AGBL3: variants seen among roughly 807,000 people sequenced by gnomAD.
AGBL3 encodes cytosolic carboxypeptidase 3.
Under a neutral mutation model 94.5 loss-of-function variants are expected in AGBL3, and 68 were observed. The ratio of observed to expected loss-of-function variants is 0.72; its 90% CI spans 0.59 to 0.88. AGBL3 has a LOEUF of 0.88. Among genes scored for constraint, AGBL3 ranks in the 40% least tolerant of loss-of-function variants. The pLI is 0.00. For missense variants in AGBL3, 934 were observed against 1,103.8 expected (o/e 0.85, Z 2.18); for synonymous variants, 354 against 370.7 (o/e 0.95, Z 0.52).
At position 135,078,490 on chromosome 7, in the gene AGBL3, G is replaced by A. The variant is rs1421268753; in HGVS notation, c.1981-1713G>A. Among the ~76,000 whole-genome samples the A allele has an allele frequency of 5.5e-5, 7 of 126,390 alleles. No homozygotes were observed. In the East Asian group the frequency reaches 1.4e-3, roughly 25 times the overall value. The allele number at this position is 126,390 out of a possible 152,430, so 82.9% of individuals were successfully genotyped here. A position where few individuals can be genotyped will look rare whatever the true frequency, so the allele number is the denominator to read the frequency against. On this transcript the variant is annotated intron_variant, in intron 13 of 16. Transcript: ENST00000436302. ...TTTGCAGGACCCAATAACCAAAATA[G>A]GTTTTTGTTAGGGGATTTTTTTTTA...
intron 15 of AGBL3, among the ~76,000 whole-genome samples, chr7:135,110,817 C>G (rs565663144): frequency 6.6e-6 from 1 of 152,304 alleles, no homozygotes; most frequent in East Asian, 1.9e-4. Context: ...CCTTAAAACT[C>G]GTTTTGCCTC....
rs371774667 is a variant in AGBL3, at chr7:134,993,505, G to A, written c.137G>A (p.Gly46Asp). The A allele has an allele frequency of 1.5e-5, 23 of 1,545,776 alleles. No individual in the cohort carries two copies. The highest frequency in any genetic ancestry group is 1.9e-5 in the Non-Finnish European group (22 of 1,144,704). The change falls in exon 4 of 17, where the codon GGT becomes GAT. Residue 46 changes from glycine to aspartate, a missense_variant. Gly to Asp is a moderately conservative substitution (Grantham distance 94). Around this residue, in one of 3 missense-constraint regions of AGBL3, gnomAD observed 488 missense variants for 563.6 expected, o/e 0.87. Coordinates refer to ENST00000436302, the MANE Select transcript of AGBL3 (RefSeq NM_178563.4). ...ATCTTTTTCTCAGCTGACTCTTTTG[G>A]TGATCCCTTCTTCCCCCGGACTACA... ...RCALLTADSF[G>D]DPFFPRTTQI...
At chr7:135,020,199 C>G (rs555096458) in intron 5 of AGBL3, among the ~76,000 whole-genome samples, 1 of 119,500 alleles carries the variant, frequency 8.4e-6, no homozygotes, top group Admixed American at 9.7e-5. Context: ...CTACAAAGAA[C>G]TCAAACAAAT....
chr7:134,993,765 A>C (rs962553813), intron 4 of AGBL3, 87 bp downstream of exon 4: 1 of 1,131,966 alleles, frequency 8.8e-7, no homozygotes, highest in Non-Finnish European at 1.2e-6. Context: ...ACAATGTTAG[A>C]AAACAGCACA....
At chr7:135,058,766 T>C (rs1050334637) in intron 11 of AGBL3, among the ~76,000 whole-genome samples, 87 of 151,976 alleles carry the variant, frequency 5.7e-4, no homozygotes, top group African/African-American at 1.4e-3. Context: ...TCTTCTTTTT[T>C]CCCCCCCAAG....
chr7:135,000,447 C>T (rs4467884), intron 4 of AGBL3, among the ~76,000 whole-genome samples: 66,462 of 151,842 alleles, frequency 0.44, 15,231 homozygotes, highest in East Asian at 0.77. Context: ...GAGCTCTCTT[C>T]TTGAACTGGG....
intron 15 of AGBL3, among the ~76,000 whole-genome samples, chr7:135,089,969 CTG>C (rs1407639507): frequency 6.6e-6 from 1 of 152,184 alleles, no homozygotes; most frequent in African/African-American, 2.4e-5. Flanking sequence ...GAGCCAGGAT[CTG>C]TGAATCTGAG....
intron 5 of AGBL3, among the ~76,000 whole-genome samples, chr7:135,017,464 G>C (rs1244776201): frequency 6.6e-6 from 1 of 152,148 alleles, no homozygotes; most frequent in African/African-American, 2.4e-5. Flanking sequence ...GAAATGCTTT[G>C]CAATTATTGT....
At chr7:135,117,002 CT>C (rs1272161741) in intron 16 of AGBL3, among the ~76,000 whole-genome samples, 1 of 152,158 alleles carries the variant, frequency 6.6e-6, no homozygotes, top group Non-Finnish European at 1.5e-5. Context: ...TTCCTTTGTT[CT>C]TGAAGTCCTT....
chr7:135,094,237 C>T (rs1392421466), intron 15 of AGBL3: 3 of 379,522 alleles, frequency 7.9e-6, no homozygotes, highest in Admixed American at 3.3e-5. Flanking sequence ...CATTCCTGTC[C>T]TTACAACAAC....
chr7:135,037,332 G>T, intron 7 of AGBL3, 86 bp from the exon 8 acceptor site: 1 of 1,114,534 alleles, frequency 9.0e-7, no homozygotes, highest in Non-Finnish European at 1.2e-6. Flanking sequence ...GTATTTATTT[G>T]GATATTACAC....
At chr7:135,128,624 C>T (rs540957592) in intron 16 of AGBL3, 85 of 801,052 alleles carry the variant, frequency 1.1e-4, no homozygotes, top group Non-Finnish European at 1.6e-4. Flanking sequence ...ACCCTGGCAG[C>T]GTGATCCCGT....
intron 15 of AGBL3, among the ~76,000 whole-genome samples, chr7:135,101,571 C>T (rs1823833157): frequency 6.6e-6 from 1 of 152,112 alleles, no homozygotes; most frequent in South Asian, 2.1e-4. Flanking sequence ...CCACCACCCG[C>T]CAAGAAAATA....
chr7:135,058,851 G>T (rs541717562), intron 11 of AGBL3, among the ~76,000 whole-genome samples: 6 of 152,108 alleles, frequency 3.9e-5, no homozygotes, highest in African/African-American at 1.2e-4. Context: ...CCGCCTCCTG[G>T]GCCCAGGAGA....
At chr7:135,094,288 C>T in intron 15 of AGBL3, 1 of 430,410 alleles carries the variant, frequency 2.3e-6, no homozygotes, top group Non-Finnish European at 4.7e-6. Context: ...CTTATTGGAT[C>T]CATCAGAGAA....
intron 16 of AGBL3, among the ~76,000 whole-genome samples, chr7:135,117,675 A>C (rs1407515059): frequency 1.3e-5 from 2 of 152,238 alleles, no homozygotes; most frequent in Non-Finnish European, 2.9e-5. Flanking sequence ...ACAATGTTTA[A>C]GTTTGCAGTG....
intron 2 of AGBL3, 48 bp from the exon 3 acceptor site, chr7:134,989,202 A>G (rs970394824): frequency 2.8e-6 from 4 of 1,409,598 alleles, no homozygotes; most frequent in African/African-American, 1.4e-5. Context: ...TCTGGATTTG[A>G]AAACTGTTGG....
chr7:135,121,482 T>G (rs1585235408), intron 16 of AGBL3, among the ~76,000 whole-genome samples: 1 of 151,314 alleles, frequency 6.6e-6, no homozygotes, highest in East Asian at 1.9e-4. Context: ...TTAAAAGAAT[T>G]TAAATCATAG....
At chr7:135,022,018 T>G (rs547386066) in intron 5 of AGBL3, among the ~76,000 whole-genome samples, 1 of 152,198 alleles carries the variant, frequency 6.6e-6, no homozygotes, top group African/African-American at 2.4e-5. Flanking sequence ...TGTGGCTGCA[T>G]AGTAGTCCAT....
Sources: allele counts gnomAD v4.1 joint callset (sites outside exome capture counted in the v4.1 genomes callset), GRCh38; gene constraint gnomAD v4.1.1; regional missense constraint gnomAD v4.1.1; transcripts MANE v1.5; gene names NCBI Gene and HGNC (gene_info 2026-07-23, HGNC 2026-07-21).